The following PTER variants were observed in gnomAD, a reference collection of about 807,000 sequenced individuals.
The protein encoded by PTER is phosphotriesterase related, also known as N-acetyltaurine hydrolase.
A neutral mutation model predicts 29.6 loss-of-function variants in PTER; 38 were observed. That is an observed-to-expected ratio of 1.28 (90% CI 0.99 to 1.68). The LOEUF is 1.68. PTER is among the 40% of genes most tolerant of loss of function. PTER has a pLI of 0.00. For synonymous variants in PTER, 172 were observed against 154.5 expected (o/e 1.11, Z -0.84); for missense variants, 482 against 427.8 (o/e 1.13, Z -1.12).
chr10:16,443,843 T>A (rs746517352), intron 1 of PTER, among the ~76,000 whole-genome samples: 5 of 152,194 alleles, frequency 3.3e-5, no homozygotes, highest in Non-Finnish European at 7.3e-5. Context: ...GGCCAGAGGA[T>A]CGCTAGAGTA....
At chr10:16,503,528 C>G (rs1266628998) in intron 3 of PTER, among the ~76,000 whole-genome samples, 1 of 152,144 alleles carries the variant, frequency 6.6e-6, no homozygotes, top group Non-Finnish European at 1.5e-5. Context: ...CCTCAGCCTC[C>G]CAAGTAGCTG....
chr10:16,480,620 TAAGAG>T (rs999778584), intron 1 of PTER, among the ~76,000 whole-genome samples: 4 of 152,168 alleles, frequency 2.6e-5, no homozygotes, highest in African/African-American at 9.7e-5. Flanking sequence ...GTATTTCAGT[TAAGAG>T]AAGCTCTCCT....
chr10:16,453,445 G>T (rs1201496112), intron 1 of PTER, among the ~76,000 whole-genome samples: 1 of 152,124 alleles, frequency 6.6e-6, no homozygotes, highest in African/African-American at 2.4e-5. Context: ...GCCGTTTTCA[G>T]TTGCTTAGGC....
intron 1 of PTER, among the ~76,000 whole-genome samples, chr10:16,458,019 T>C (rs1834475181): frequency 6.6e-6 from 1 of 152,244 alleles, no homozygotes; most frequent in South Asian, 2.1e-4. Flanking sequence ...AGGCACCATG[T>C]CTGCTTTTTC....
chr10:16,489,635 A>G (rs1213371007), intron 3 of PTER, among the ~76,000 whole-genome samples: 1 of 151,962 alleles, frequency 6.6e-6, no homozygotes, highest in Admixed American at 6.6e-5. Context: ...AAATTTTTTA[A>G]TTGTGGTAAA....
chr10:16,438,858 C>T (rs543500042), intron 1 of PTER, among the ~76,000 whole-genome samples: 24 of 143,338 alleles, frequency 1.7e-4, no homozygotes, highest in Non-Finnish European at 2.7e-4. Context: ...GAGGCAGAGG[C>T]GGCTGTGAGC....
intron 3 of PTER, among the ~76,000 whole-genome samples, chr10:16,490,949 T>C (rs900533851): frequency 9.2e-5 from 14 of 152,020 alleles, no homozygotes; most frequent in Admixed American, 4.6e-4. Flanking sequence ...TACATATATG[T>C]ATACACTACA....
At chr10:16,473,946 C>T (rs769285669) in intron 1 of PTER, among the ~76,000 whole-genome samples, 4 of 152,134 alleles carry the variant, frequency 2.6e-5, no homozygotes, top group Non-Finnish European at 4.4e-5. Flanking sequence ...GGCCGGGCAC[C>T]GTGGCTCAGG....
intron 3 of PTER, among the ~76,000 whole-genome samples, chr10:16,502,635 A>G (rs1836394591): frequency 6.6e-6 from 1 of 152,102 alleles, no homozygotes; most frequent in Admixed American, 6.5e-5. Context: ...TCTCACAGGA[A>G]AGGAGAAACT....
downstream of PTER, chr10:16,514,414 T>C (rs1836916175): frequency 3.8e-6 from 3 of 784,142 alleles, no homozygotes; most frequent in South Asian, 1.7e-5. Context: ...TTTCCCCACA[T>C]ATACACAACT....
At chr10:16,481,715 G>A (rs529969622) in intron 1 of PTER, among the ~76,000 whole-genome samples, 8 of 152,174 alleles carry the variant, frequency 5.3e-5, no homozygotes, top group African/African-American at 1.7e-4. Context: ...TTTCAAATAT[G>A]CATCAATTGA....
At chr10:16,467,560 C>T (rs1588600397) in intron 1 of PTER, among the ~76,000 whole-genome samples, 1 of 152,086 alleles carries the variant, frequency 6.6e-6, no homozygotes, top group African/African-American at 2.4e-5. Context: ...GCCTGTAATC[C>T]CAACACTTTG....
At chr10:16,509,940 G>C (rs1484393499) in intron 4 of PTER, among the ~76,000 whole-genome samples, 1 of 152,012 alleles carries the variant, frequency 6.6e-6, no homozygotes, top group Non-Finnish European at 1.5e-5. Flanking sequence ...TGTGTGTGTA[G>C]TACCCCACGT....
intron 1 of PTER, among the ~76,000 whole-genome samples, chr10:16,471,328 A>G (rs1479764556): frequency 2.6e-5 from 4 of 152,150 alleles, no homozygotes; most frequent in African/African-American, 7.2e-5. Context: ...ATATGTTACT[A>G]TTTTACCTGT....
chr10:16,469,579 A>G (rs976414618), intron 1 of PTER, among the ~76,000 whole-genome samples: 6 of 152,136 alleles, frequency 3.9e-5, no homozygotes, highest in Admixed American at 1.3e-4. Flanking sequence ...GGTGTGGGTG[A>G]GGCAGGAGTC....
At chr10:16,517,139 A>T (rs1289379763), downstream of PTER, among the ~76,000 whole-genome samples, 1 of 152,240 alleles carries the variant, frequency 6.6e-6, no homozygotes, top group Non-Finnish European at 1.5e-5. Flanking sequence ...TGATTTCAGC[A>T]TTCTGTCTGG....
At chr10:16,439,518 G>C (rs777786398) in intron 1 of PTER, among the ~76,000 whole-genome samples, 1 of 152,148 alleles carries the variant, frequency 6.6e-6, no homozygotes, top group East Asian at 1.9e-4. Flanking sequence ...TTTAAGTTGA[G>C]TAAGCAGCCC....
intron 3 of PTER, among the ~76,000 whole-genome samples, chr10:16,504,347 TTATA>T (rs1185532194): frequency 6.6e-6 from 1 of 152,174 alleles, no homozygotes; most frequent in Admixed American, 6.5e-5. Flanking sequence ...GTTACATTCT[TTATA>T]TGACATCTAT....
intron 3 of PTER, among the ~76,000 whole-genome samples, chr10:16,495,581 C>T (rs985343156): frequency 1.3e-5 from 2 of 152,026 alleles, no homozygotes; most frequent in East Asian, 3.9e-4. Context: ...TATTTGTATG[C>T]CAATTTTTAA....
Sources: allele counts gnomAD v4.1 joint callset (sites outside exome capture counted in the v4.1 genomes callset), GRCh38; gene constraint gnomAD v4.1.1; transcripts MANE v1.5; gene names NCBI Gene and HGNC (gene_info 2026-07-23, HGNC 2026-07-21).